TMEM117: variants seen among roughly 807,000 people sequenced by gnomAD.
TMEM117 encodes the protein transmembrane protein 117.
TMEM117 carries 27 observed loss-of-function variants against 52.4 expected under a neutral mutation model. The ratio of observed to expected loss-of-function variants is 0.51; its 90% CI spans 0.38 to 0.71. The LOEUF is 0.71. Ranked by LOEUF, TMEM117 falls within the 30% of genes least tolerant of loss-of-function variation. The pLI, the probability that TMEM117 is intolerant of heterozygous loss-of-function variation, is 0.00. For missense variants in TMEM117, 556 were observed against 630.5 expected (o/e 0.88, Z 1.26); for synonymous variants, 215 against 206.3 (o/e 1.04, Z -0.36).
chr12:44,198,961 G>C (rs1592599577), intron 4 of TMEM117, among the ~76,000 whole-genome samples: 1 of 152,198 alleles, frequency 6.6e-6, no homozygotes, highest in African/African-American at 2.4e-5. Flanking sequence ...AAATATGACT[G>C]TAGTGTATTT....
intron 6 of TMEM117, among the ~76,000 whole-genome samples, chr12:44,313,368 T>A (rs1445819284): frequency 6.6e-6 from 1 of 152,192 alleles, no homozygotes; most frequent in African/African-American, 2.4e-5. Context: ...CATATGGAGT[T>A]CTTTCCTTAT....
At chr12:43,845,012 C>G in intron 2 of TMEM117, 84 bp downstream of exon 2, 1 of 1,488,192 alleles carries the variant, frequency 6.7e-7, no homozygotes. Context: ...TTTCTAAGTG[C>G]CAATGTAGGA....
intron 3 of TMEM117, among the ~76,000 whole-genome samples, chr12:44,042,272 C>G (rs975793155): frequency 6.7e-6 from 1 of 149,048 alleles, no homozygotes; most frequent in Non-Finnish European, 1.5e-5. Flanking sequence ...TTTTCAGTGT[C>G]TGAAGTTGTA....
chr12:43,980,225 A>G (rs1019499791), intron 3 of TMEM117, among the ~76,000 whole-genome samples: 1 of 152,128 alleles, frequency 6.6e-6, no homozygotes, highest in East Asian at 1.9e-4. Context: ...GTAGTAAGGT[A>G]GGTGATAGTT....
At position 44,343,280 on chromosome 12, in the gene TMEM117, G is replaced by A. The variant is rs568394484; in HGVS notation, c.769-33315G>A. ...AAAAGAGACTTTGCCTAGGGGAAGT[G>A]GTGATGAGAATATTTCCAACCCAGG... is the stretch of plus-strand genomic sequence containing the variant. On this transcript the variant is annotated intron_variant, in intron 6 of 7. Transcript: ENST00000266534. Among the ~76,000 whole-genome samples the A allele has an allele frequency of 1.6e-3, 239 of 151,902 alleles. 3 individuals are homozygous for A. The highest frequency in any genetic ancestry group is 5.4e-3 in the African/African-American group (222 of 41,428).
At chr12:44,039,653 T>C (rs1367143061) in intron 3 of TMEM117, among the ~76,000 whole-genome samples, 2 of 152,074 alleles carry the variant, frequency 1.3e-5, no homozygotes, top group African/African-American at 4.8e-5. Context: ...TTTGGGGTTT[T>C]AATCTGTGAA....
chr12:44,226,907 C>T (rs1012098859), intron 5 of TMEM117, among the ~76,000 whole-genome samples: 19 of 151,974 alleles, frequency 1.3e-4, no homozygotes, highest in African/African-American at 4.6e-4. Flanking sequence ...TTAGAGCAGC[C>T]CTAGCAGGCT....
At chr12:44,373,306 G>A (rs2138841726) in intron 6 of TMEM117, among the ~76,000 whole-genome samples, 1 of 152,356 alleles carries the variant, frequency 6.6e-6, no homozygotes, top group South Asian at 2.1e-4. Flanking sequence ...TGAGGGAGGT[G>A]CCCTTCTCAA....
chr12:44,185,052 T>C (rs1190320775), intron 4 of TMEM117, among the ~76,000 whole-genome samples: 2 of 152,102 alleles, frequency 1.3e-5, no homozygotes, highest in East Asian at 3.9e-4. Flanking sequence ...TAGGGTTGAG[T>C]GTAATTTAGG....
intron 4 of TMEM117, among the ~76,000 whole-genome samples, chr12:44,207,018 C>CT (rs1388533060): frequency 6.6e-5 from 10 of 152,252 alleles, no homozygotes; most frequent in African/African-American, 2.4e-4. Flanking sequence ...CAAGAAGAAA[C>CT]TATCTAAACA....
At position 44,200,216 on chromosome 12, in the gene TMEM117, G is replaced by A. The variant is rs142496041; in HGVS notation, c.511-11074G>A. 5.8e-4 allele frequency among the ~76,000 whole-genome samples: 89 copies of A among 152,250 alleles called. 2 individuals are homozygous for A. The highest frequency in any genetic ancestry group is 2.1e-3 in the African/African-American group (87 of 41,556). ...GAAACACTTTTCATGTTTCATTTAT[G>A]TCATAAAGATAGGTAGTCAGATAAA... is the stretch of plus-strand genomic sequence containing the variant. On this transcript the variant is annotated intron_variant, in intron 4 of 7. Coordinates refer to ENST00000266534, the MANE Select transcript of TMEM117 (RefSeq NM_032256.3).
chr12:44,065,973 T>G (rs771262657), intron 3 of TMEM117, among the ~76,000 whole-genome samples: 4 of 152,192 alleles, frequency 2.6e-5, no homozygotes, highest in Non-Finnish European at 5.9e-5. Context: ...GAATGATTTG[T>G]GAATCAGGCA....
intron 3 of TMEM117, among the ~76,000 whole-genome samples, chr12:44,035,129 C>T (rs568371916): frequency 6.6e-6 from 1 of 152,300 alleles, no homozygotes; most frequent in African/African-American, 2.4e-5. Flanking sequence ...TGTGGGACTT[C>T]TCAGGCTTCA....
chr12:44,263,642 A>G (rs1411457969), intron 5 of TMEM117: 1 of 152,190 alleles, frequency 6.6e-6, no homozygotes, highest in Non-Finnish European at 1.5e-5. Flanking sequence ...TTTTTAAAAA[A>G]CGAAATAACT....
At chr12:44,258,222 C>T (rs1418586378) in intron 5 of TMEM117, among the ~76,000 whole-genome samples, 2 of 151,908 alleles carry the variant, frequency 1.3e-5, no homozygotes, top group Non-Finnish European at 2.9e-5. Flanking sequence ...CCCTCCAAAG[C>T]ATAAATGACC....
At chr12:44,301,194 T>G (rs1950834948) in intron 6 of TMEM117, among the ~76,000 whole-genome samples, 1 of 152,174 alleles carries the variant, frequency 6.6e-6, no homozygotes, top group Non-Finnish European at 1.5e-5. Flanking sequence ...GCTTCTACTC[T>G]GTTTGTGTAA....
intron 6 of TMEM117, among the ~76,000 whole-genome samples, chr12:44,320,563 T>C (rs1951116793): frequency 6.6e-6 from 1 of 152,200 alleles, no homozygotes; most frequent in South Asian, 2.1e-4. Flanking sequence ...TTACACTCTA[T>C]TAAATTTTGA....
At chr12:44,198,858 G>A (rs1366958455) in intron 4 of TMEM117, among the ~76,000 whole-genome samples, 1 of 151,988 alleles carries the variant, frequency 6.6e-6, no homozygotes, top group Non-Finnish European at 1.5e-5. Context: ...GAAGAAGGAG[G>A]GGTGAGGCTT....
intron 2 of TMEM117, among the ~76,000 whole-genome samples, chr12:43,886,038 C>G (rs992698090): frequency 6.6e-6 from 1 of 152,062 alleles, no homozygotes; most frequent in Non-Finnish European, 1.5e-5. Flanking sequence ...CATGGGGGAA[C>G]CTTGTGTATC....
Sources: gnomAD v4.1 joint callset for allele counts (sites outside exome capture counted in the v4.1 genomes callset) on GRCh38, gnomAD v4.1.1 for gene constraint, MANE v1.5 for transcripts, NCBI Gene and HGNC (gene_info 2026-07-23, HGNC 2026-07-21) for gene names.